Variants in IGSF21 observed in about 807,000 individuals in gnomAD.
IGSF21 encodes the protein immunoglobin superfamily member 21.
Under a neutral mutation model 46.8 loss-of-function variants are expected in IGSF21, and 28 were observed. The observed-to-expected ratio is 0.60, with a 90% CI of 0.44 to 0.82. The LOEUF (loss-of-function observed/expected upper bound fraction) is 0.82, where lower values mean the gene tolerates loss of function less well. IGSF21 is among the 40% of genes least tolerant of loss of function. IGSF21 has a pLI of 0.00. For synonymous variants in IGSF21, 284 were observed against 273.6 expected (o/e 1.04, Z -0.38); for missense variants, 624 against 665.5 (o/e 0.94, Z 0.69).
intron 4 of IGSF21, among the ~76,000 whole-genome samples, chr1:18,351,239 G>C (rs2085950490): frequency 6.6e-6 from 1 of 150,536 alleles, no homozygotes; most frequent in Non-Finnish European, 1.5e-5. Flanking sequence ...CTTTCTGCTC[G>C]CTAAGTGGCA....
chr1:18,287,848 G>A (rs1247500087), intron 2 of IGSF21, among the ~76,000 whole-genome samples: 1 of 152,160 alleles, frequency 6.6e-6, no homozygotes. Flanking sequence ...TCCCTCTCTG[G>A]GTGTGGGCTC....
At chr1:18,328,887 G>C (rs560942308) in intron 3 of IGSF21, among the ~76,000 whole-genome samples, 4 of 152,170 alleles carry the variant, frequency 2.6e-5, no homozygotes, top group Non-Finnish European at 5.9e-5. Context: ...CTGTAAACTC[G>C]TGTGGGGCGT....
intron 1 of IGSF21, among the ~76,000 whole-genome samples, chr1:18,180,030 G>T (rs957715350): frequency 6.6e-6 from 1 of 152,078 alleles, no homozygotes; most frequent in African/African-American, 2.4e-5. Flanking sequence ...CCTTCTTCTT[G>T]GGTCACCATC....
chr1:18,141,070 A>G (rs778673870), intron 1 of IGSF21, among the ~76,000 whole-genome samples: 7 of 152,148 alleles, frequency 4.6e-5, no homozygotes, highest in Non-Finnish European at 8.8e-5. Context: ...TGCCTTCACA[A>G]CCTTTTCTCT....
In IGSF21 at chr1:18,335,128, CT is replaced by C; in HGVS notation, c.424+119del. 1 of 764,308 alleles carries C rather than the reference CT, an allele frequency of 1.3e-6. No individual in the cohort carries two copies. The highest frequency in any genetic ancestry group is 2.6e-5 in the East Asian group (1 of 38,008). 47.3% of individuals were successfully genotyped at this position (764,308 alleles called of 1,614,324 possible). A position where few individuals can be genotyped will look rare whatever the true frequency, so the allele number is the denominator to read the frequency against. On this transcript the variant is annotated intron_variant, in intron 4 of 9. Transcript: ENST00000251296. This position sits in a 1 kb window ranked among gnomAD's most constrained non-coding sequence, Gnocchi z 4.8. The stretch of plus-strand genomic sequence containing the variant: ...GCCATCCACCAGAAGTTCTGTTGTG[CT>C]GGTGTCTTCCCTTTCCTGCTCTTGT...
At chr1:18,177,742 G>A (rs534207867) in intron 1 of IGSF21, among the ~76,000 whole-genome samples, 1 of 152,238 alleles carries the variant, frequency 6.6e-6, no homozygotes, top group South Asian at 2.1e-4. Context: ...GGGGGAGTGG[G>A]TGTGTTTGGG....
At chr1:18,264,966 C>T (rs1186977217) in intron 2 of IGSF21, among the ~76,000 whole-genome samples, 2 of 152,224 alleles carry the variant, frequency 1.3e-5, no homozygotes, top group Non-Finnish European at 2.9e-5. Context: ...GCAGCTATTA[C>T]AGTGGTCGTG....
In IGSF21 at chr1:18,365,340, C is replaced by A; in HGVS notation, c.658C>A (p.Leu220Met). Residue 220 changes from leucine to methionine, a missense_variant, in exon 6 of 10, where the codon CTG (leucine) becomes ATG (methionine). Physicochemically the swap from Leu to Met is conservative, Grantham distance 15. Transcript: ENST00000251296. The surrounding 1 kb of genome is among the most constrained non-coding windows in gnomAD (Gnocchi z 4.8). ...CTTCCGCAGCCTTCTGCACCGTGAC[C>A]TGGATGACACCAAGATGCAGAAGTC... ...RPFRSLLHRD[L>M]DDTKMQKSLS... 6.2e-7 allele frequency: 1 copy of A among 1,614,150 alleles called. No homozygotes were observed. Among genetic ancestry groups the A allele is most frequent in the East Asian group, 2.2e-5 (1 of 44,866 alleles).
intron 1 of IGSF21, among the ~76,000 whole-genome samples, chr1:18,166,027 G>A (rs1355900418): frequency 6.6e-6 from 1 of 152,200 alleles, no homozygotes; most frequent in East Asian, 1.9e-4. Flanking sequence ...TGTCTCCTTT[G>A]TTCAGTGTAC....
chr1:18,170,173 G>A (rs959709214), intron 1 of IGSF21, among the ~76,000 whole-genome samples: 1 of 152,308 alleles, frequency 6.6e-6, no homozygotes, highest in South Asian at 2.1e-4. Flanking sequence ...GGACCTTGAT[G>A]CTGCATTTGG....
intron 2 of IGSF21, among the ~76,000 whole-genome samples, chr1:18,272,162 G>A (rs776209491): frequency 3.3e-5 from 5 of 152,116 alleles, no homozygotes; most frequent in Non-Finnish European, 5.9e-5. Flanking sequence ...CCAAGTGAAA[G>A]GGTTTTCCCC....
intron 2 of IGSF21, among the ~76,000 whole-genome samples, chr1:18,258,166 C>T (rs1460412650): frequency 6.6e-6 from 1 of 152,148 alleles, no homozygotes; most frequent in Admixed American, 6.5e-5. Flanking sequence ...CAAGGATACA[C>T]AAGCAAAGAC....
chr1:18,183,583 C>G (rs114117824), intron 1 of IGSF21, among the ~76,000 whole-genome samples: 1 of 150,788 alleles, frequency 6.6e-6, no homozygotes, highest in East Asian at 1.9e-4. Context: ...TAACAGCCAT[C>G]GCTGTGTAAC....
intron 1 of IGSF21, among the ~76,000 whole-genome samples, chr1:18,152,892 T>C (rs1404095490): frequency 6.6e-6 from 1 of 152,232 alleles, no homozygotes; most frequent in Non-Finnish European, 1.5e-5. Flanking sequence ...TCTGAACCTC[T>C]GTTTCCTTGG....
Position 18,326,904 on chromosome 1 carries a change from AG to A in IGSF21, c.306-7985del, listed in dbSNP as rs1235476867. 2.6e-5 allele frequency among the ~76,000 whole-genome samples: 4 copies of A among 152,286 alleles called. No individual in the cohort carries two copies. In the East Asian group the frequency reaches 7.7e-4, roughly 29 times the overall value. ...TGACAGCAGGGTGGGGGCCTCAGGC[AG>A]GGAGATGGTGGCAAGAATGAAGACA... On this transcript the variant is annotated intron_variant, in intron 3 of 9. Transcript: ENST00000251296.
intron 3 of IGSF21, among the ~76,000 whole-genome samples, chr1:18,292,356 TTC>T (rs1333516190): frequency 1.3e-5 from 2 of 152,254 alleles, no homozygotes; most frequent in Non-Finnish European, 2.9e-5. Flanking sequence ...GGTGAAGCAG[TTC>T]TGCCCGGCTT....
At chr1:18,151,044 G>A (rs530162715) in intron 1 of IGSF21, among the ~76,000 whole-genome samples, 30 of 152,308 alleles carry the variant, frequency 2.0e-4, no homozygotes, top group African/African-American at 2.6e-4. Context: ...CAAGGTCTCC[G>A]GATGGCTGTG....
intron 1 of IGSF21, among the ~76,000 whole-genome samples, chr1:18,141,904 T>C (rs1397066303): frequency 6.6e-6 from 1 of 151,828 alleles, no homozygotes; most frequent in Non-Finnish European, 1.5e-5. Flanking sequence ...CCCCCATTTC[T>C]ACAAAAAATA....
intron 4 of IGSF21, among the ~76,000 whole-genome samples, chr1:18,357,585 G>T (rs543442067): frequency 3.9e-5 from 6 of 152,182 alleles, no homozygotes; most frequent in Admixed American, 3.9e-4. Context: ...GCTTTTATTG[G>T]GCTATGAAAC....
Sources: allele counts gnomAD v4.1 joint callset (sites outside exome capture counted in the v4.1 genomes callset), GRCh38; gene constraint gnomAD v4.1.1; non-coding constraint Gnocchi (gnomAD v3.1); transcripts MANE v1.5; gene names NCBI Gene and HGNC (gene_info 2026-07-23, HGNC 2026-07-21).